Variants in MUC13 observed in about 807,000 individuals in gnomAD.
MUC13 encodes the protein mucin 13, cell surface associated.
MUC13 carries 32 observed loss-of-function variants against 48.3 expected under a neutral mutation model. The ratio of observed to expected loss-of-function variants is 0.66; its 90% CI spans 0.50 to 0.89. The LOEUF (loss-of-function observed/expected upper bound fraction) is 0.89. Among genes scored for constraint, MUC13 ranks in the 40% least tolerant of loss-of-function variants. The probability of loss-of-function intolerance (pLI) is 0.00; values close to 1 mark genes in which losing one functional copy is unlikely to be tolerated. For synonymous variants in MUC13, 199 were observed against 224.9 expected (o/e 0.88, Z 1.03); for missense variants, 571 against 622.8 (o/e 0.92, Z 0.88).
At chr3:124,923,251 G>A (rs1935632354) in intron 3 of MUC13, among the ~76,000 whole-genome samples, 1 of 152,084 alleles carries the variant, frequency 6.6e-6, no homozygotes, top group Non-Finnish European at 1.5e-5. Flanking sequence ...TCTCTAAGAG[G>A]GGGATCTGAT....
intron 7 of MUC13, 50 bp from the exon 8 acceptor site, chr3:124,913,290 C>T (rs1250215626): frequency 6.3e-6 from 10 of 1,584,840 alleles, no homozygotes; most frequent in Non-Finnish European, 8.6e-6. Context: ...ATCTCTTTAA[C>T]CCCAAAGTCA....
intron 2 of MUC13, among the ~76,000 whole-genome samples, chr3:124,924,777 G>GT (rs1259234327): frequency 1.3e-5 from 2 of 152,002 alleles, no homozygotes; most frequent in Non-Finnish European, 2.9e-5. Context: ...TGTTTGAGCT[G>GT]TTTTTTCCAT....
In MUC13 at chr3:124,928,011, C is replaced by G. The variant is rs376158837; in HGVS notation, c.53-18G>C. ...GTTGGTGGCTGGAGGAACAAAGATA[C>G]CAAGTTTGAGGAGACAGTACATTGA... On this transcript the variant is annotated intron_variant, in intron 1 of 11. Transcript: ENST00000616727. 45 of 1,515,274 alleles carry G rather than the reference C, an allele frequency of 3.0e-5. No individual in the cohort carries two copies. The Middle Eastern group carries it at 7.3e-4, about 24-fold the overall frequency. 93.9% of individuals were successfully genotyped at this position (1,515,274 alleles called of 1,614,324 possible).
At chr3:124,924,376 T>C (rs998936476) in intron 2 of MUC13, among the ~76,000 whole-genome samples, 15 of 152,066 alleles carry the variant, frequency 9.9e-5, no homozygotes, top group African/African-American at 3.4e-4. Context: ...AGGAGGAGAG[T>C]TAGCTCAGTG....
At chr3:124,911,974 G>A in intron 9 of MUC13, 130 bp downstream of exon 9, 1 of 1,280,206 alleles carries the variant, frequency 7.8e-7, no homozygotes, top group Non-Finnish European at 1.1e-6. Context: ...GCAAACTGGA[G>A]GCAGATGGTC....
At chr3:124,915,267 A>C (rs1935492814) in intron 6 of MUC13, among the ~76,000 whole-genome samples, 1 of 152,130 alleles carries the variant, frequency 6.6e-6, no homozygotes, top group South Asian at 2.1e-4. Flanking sequence ...ATTTACTCAC[A>C]CCTTTCTGTA....
intron 1 of MUC13, among the ~76,000 whole-genome samples, chr3:124,932,889 A>G (rs979917460): frequency 2.0e-5 from 3 of 152,028 alleles, no homozygotes; most frequent in Admixed American, 6.6e-5. Flanking sequence ...TTGAGCCTCA[A>G]TGATTCCTGA....
intron 4 of MUC13, 83 bp from the exon 5 acceptor site, chr3:124,920,372 T>C: frequency 9.4e-7 from 1 of 1,066,468 alleles, no homozygotes; most frequent in Non-Finnish European, 1.4e-6. Flanking sequence ...CAGAAAAAAA[T>C]AATGCTCTAT....
At chr3:124,910,289 T>A in intron 10 of MUC13, 126 bp downstream of exon 10, 1 of 1,338,442 alleles carries the variant, frequency 7.5e-7, no homozygotes, top group Non-Finnish European at 1.0e-6. Context: ...ATCCCAGCAC[T>A]TTGGGAGGCC....
intron 5 of MUC13, among the ~76,000 whole-genome samples, chr3:124,919,356 GT>G (rs764689690): frequency 0.31 from 38,836 of 123,346 alleles, 5,644 homozygotes; most frequent in East Asian, 0.59. Context: ...AAAAAAAATG[GT>G]TTTTTTTTTT....
At chr3:124,919,566 C>T (rs911098707) in intron 5 of MUC13, among the ~76,000 whole-genome samples, 8 of 152,004 alleles carry the variant, frequency 5.3e-5, no homozygotes, top group African/African-American at 1.9e-4. Context: ...CATTGCTACA[C>T]GAGGGCTGCT....
chr3:124,920,401 C>A, intron 4 of MUC13, 112 bp from the exon 5 acceptor site: 1 of 829,028 alleles, frequency 1.2e-6, no homozygotes, highest in Non-Finnish European at 1.9e-6. Flanking sequence ...TAACAGGATC[C>A]AACTGGGTAG....
In MUC13 at chr3:124,923,363, T is replaced by C. The variant is rs557130263; in HGVS notation, c.637+164A>G. On this transcript the variant is annotated intron_variant, in intron 3 of 11. Transcript: ENST00000616727. ...TAGATCACCTTGTTCTGCCTCAGTG[T>C]CCCTAGGTAACAGCACTTTTCTCTA... Among the ~76,000 whole-genome samples the C allele has an allele frequency of 5.3e-5, 8 of 152,278 alleles. No homozygotes were observed. The South Asian group carries it at 1.7e-3, about 32-fold the overall frequency.
At chr3:124,930,722 G>T (rs1280328249) in intron 1 of MUC13, among the ~76,000 whole-genome samples, 1 of 152,130 alleles carries the variant, frequency 6.6e-6, no homozygotes, top group East Asian at 1.9e-4. Context: ...CCTGTCCAGG[G>T]CACACCTATA....
At chr3:124,927,287 TG>T (rs1579370847) in intron 2 of MUC13, among the ~76,000 whole-genome samples, 2 of 151,974 alleles carry the variant, frequency 1.3e-5, no homozygotes, top group East Asian at 3.9e-4. Flanking sequence ...AAAAAAATAC[TG>T]CACAGCTAGC....
At chr3:124,919,086 C>T (rs1433506929) in intron 5 of MUC13, among the ~76,000 whole-genome samples, 4 of 151,008 alleles carry the variant, frequency 2.6e-5, no homozygotes, top group Non-Finnish European at 5.9e-5. Context: ...ACCTGTAATC[C>T]CAGCACTTTG....
chr3:124,927,470 C>T (rs776614632), intron 2 of MUC13, 62 bp downstream of exon 2: 1 of 1,511,572 alleles, frequency 6.6e-7, no homozygotes, highest in Non-Finnish European at 9.1e-7. Flanking sequence ...AACATACCCA[C>T]CTCCCTCCCT....
At chr3:124,924,264 AT>A (rs1250973083) in intron 2 of MUC13, among the ~76,000 whole-genome samples, 1 of 152,166 alleles carries the variant, frequency 6.6e-6, no homozygotes, top group Non-Finnish European at 1.5e-5. Flanking sequence ...ATCTGAATAA[AT>A]GGTGAAAATA....
At position 124,927,868 on chromosome 3, in the gene MUC13, T is replaced by C; in HGVS notation, c.178A>G (p.Thr60Ala). Residue 60 changes from threonine to alanine, a missense_variant, in exon 2 of 12, where the codon ACA becomes GCA. By Grantham distance (58) the Thr-to-Ala change is moderately conservative (BLOSUM62 0). Transcript: ENST00000616727. Reference sequence around the variant, plus strand: ...GAAGTAGCTGTTGGGAAAGAAGGTGTATTTGCTGTGGTGCTAGCAGTTTCA... The same window carrying C: ...GAAGTAGCTGTTGGGAAAGAAGGTGCATTTGCTGTGGTGCTAGCAGTTTCA... The part of the protein sequence containing the change: ...FPETASTTAN[T>A]PSFPTATSPA... 1.2e-6 allele frequency: 2 copies of C among 1,614,046 alleles called. No individual in the cohort carries two copies. The highest frequency in any genetic ancestry group is 1.7e-6 in the Non-Finnish European group (2 of 1,179,982).
Sources: gnomAD v4.1 joint callset for allele counts (sites outside exome capture counted in the v4.1 genomes callset) on GRCh38, gnomAD v4.1.1 for gene constraint, MANE v1.5 for transcripts, NCBI Gene and HGNC (gene_info 2026-07-23, HGNC 2026-07-21) for gene names.